PLXNA4: variants seen among roughly 807,000 people sequenced by gnomAD.
The protein encoded by PLXNA4 is plexin A4.
PLXNA4 carries 44 observed loss-of-function variants against 191.8 expected under a neutral mutation model. The observed-to-expected ratio is 0.23, with a 90% confidence interval of 0.18 to 0.29. The LOEUF is 0.29. Ranked by LOEUF, PLXNA4 falls within the 10% of genes least tolerant of loss-of-function variation. The pLI, the probability that PLXNA4 is intolerant of heterozygous loss-of-function variation, is 1.00. For missense variants in PLXNA4, 1,800 were observed against 2,488.8 expected, an observed-to-expected ratio of 0.72 and a Z score of 5.89; for synonymous variants, 1,082 against 1,009.5, an observed-to-expected ratio of 1.07 and a Z score of -1.36.
At chr7:132,307,663 C>T (rs190413424) in intron 3 of PLXNA4, among the ~76,000 whole-genome samples, 1 of 152,096 alleles carries the variant, frequency 6.6e-6, no homozygotes. Context: ...TGCCCTGTTT[C>T]GCCAGCAGGG....
At chr7:132,641,906 C>T (rs895561790) in intron 2 of PLXNA4, among the ~76,000 whole-genome samples, 1 of 152,114 alleles carries the variant, frequency 6.6e-6, no homozygotes, top group African/African-American at 2.4e-5. Flanking sequence ...CCCACAGCAT[C>T]ATAAGATAGC....
intron 27 of PLXNA4, among the ~76,000 whole-genome samples, chr7:132,147,313 T>A (rs1333012467): frequency 6.6e-6 from 1 of 152,208 alleles, no homozygotes. Flanking sequence ...TCTAGAATGA[T>A]CCTGTTCAGT....
At chr7:132,506,629 G>A (rs1585240580) in intron 2 of PLXNA4, among the ~76,000 whole-genome samples, 1 of 152,308 alleles carries the variant, frequency 6.6e-6, no homozygotes, top group African/African-American at 2.4e-5. Flanking sequence ...ACAAGAAGGG[G>A]GATGCTTTTC....
At chr7:132,170,655 A>T (rs1796258162) in intron 21 of PLXNA4, among the ~76,000 whole-genome samples, 1 of 152,238 alleles carries the variant, frequency 6.6e-6, no homozygotes, top group Non-Finnish European at 1.5e-5. Context: ...CCCTGTCCTG[A>T]GAAGTTCAAC....
At chr7:132,241,217 G>T in intron 4 of PLXNA4, 51 bp from the exon 5 acceptor site, 1 of 1,290,242 alleles carries the variant, frequency 7.8e-7, no homozygotes, top group Non-Finnish European at 1.1e-6. Flanking sequence ...AGAACACCCA[G>T]CAGTGTACCA....
chr7:132,331,560 T>C (rs368659535), intron 3 of PLXNA4, among the ~76,000 whole-genome samples: 1 of 152,320 alleles, frequency 6.6e-6, no homozygotes, highest in East Asian at 1.9e-4. Context: ...ATCCTGTGGT[T>C]ATAGGGAGTG....
At chr7:132,198,728 A>T (rs1298923196) in intron 12 of PLXNA4, 92 bp from the exon 13 acceptor site, 1 of 1,538,720 alleles carries the variant, frequency 6.5e-7, no homozygotes, top group Non-Finnish European at 8.7e-7. Flanking sequence ...CTCTTGTCTC[A>T]TCTGCCCCAG....
intron 2 of PLXNA4, among the ~76,000 whole-genome samples, chr7:132,613,975 G>A (rs772141260): frequency 3.9e-5 from 6 of 152,156 alleles, no homozygotes; most frequent in Non-Finnish European, 8.8e-5. Context: ...AGTTGCATAG[G>A]TGGAAGATGG....
At chr7:132,292,569 G>C (rs1198077699) in intron 4 of PLXNA4, among the ~76,000 whole-genome samples, 3 of 152,140 alleles carry the variant, frequency 2.0e-5, no homozygotes, top group African/African-American at 4.8e-5. Context: ...TCTCAAAGAA[G>C]GGCTGCTCTT....
intron 3 of PLXNA4, among the ~76,000 whole-genome samples, chr7:132,336,641 C>T (rs1802829280): frequency 6.6e-6 from 1 of 152,112 alleles, no homozygotes; most frequent in Non-Finnish European, 1.5e-5. Context: ...CCACCACCAC[C>T]CCCCACTCTA....
chr7:132,568,938 C>A (rs963818891), intron 1 of PLXNA4, among the ~76,000 whole-genome samples: 1 of 152,226 alleles, frequency 6.6e-6, no homozygotes, highest in African/African-American at 2.4e-5. Context: ...CCTTCAGAGT[C>A]AAAGGCTGGG....
Position 132,560,914 on chromosome 7 carries a change from C to T in PLXNA4, c.-87+15508G>A, listed in dbSNP as rs113087022. Among the ~76,000 whole-genome samples the T allele has an allele frequency of 7.3e-3, 1,105 of 152,200 alleles. 10 individuals are homozygous for T. Among genetic ancestry groups the T allele is most frequent in the Non-Finnish European group, 0.011 (761 of 67,996 alleles). ...CTTTGCCACCCCCTTTGATCAGCCC[C>T]GGCTCAGGATGCTTTGATTTACTGC... is the stretch of plus-strand genomic sequence containing the variant. On this transcript the variant is annotated intron_variant, in intron 1 of 31. Coordinates refer to ENST00000321063, the MANE Select transcript of PLXNA4 (RefSeq NM_020911.2).
intron 2 of PLXNA4, among the ~76,000 whole-genome samples, chr7:132,594,965 A>G (rs577371152): frequency 1.2e-4 from 16 of 134,414 alleles, no homozygotes; most frequent in Non-Finnish European, 2.4e-4. Context: ...ATAGATAGAT[A>G]ATTGATAGAT....
Position 132,276,611 on chromosome 7 carries a change from G to A in PLXNA4, c.1503+21480C>T, listed in dbSNP as rs1003461730. On this transcript the variant is annotated intron_variant, in intron 4 of 31. Transcript: ENST00000321063. ...CCCAGAAATCTGCAGGTTTCTTGCC[G>A]TTCCCACTCTTCCCCTTTGCCCTGT... 2.8e-4 allele frequency among the ~76,000 whole-genome samples: 42 copies of A among 152,164 alleles called. No homozygotes were observed. In the Middle Eastern group the frequency reaches 0.01, roughly 37 times the overall value.
At chr7:132,323,524 C>A (rs1263685742) in intron 3 of PLXNA4, among the ~76,000 whole-genome samples, 1 of 152,160 alleles carries the variant, frequency 6.6e-6, no homozygotes, top group African/African-American at 2.4e-5. Flanking sequence ...TCTCTCAGGA[C>A]AATTCTAGGC....
chr7:132,534,132 T>C (rs1245594750), intron 1 of PLXNA4, among the ~76,000 whole-genome samples: 2 of 151,916 alleles, frequency 1.3e-5, no homozygotes, highest in African/African-American at 4.8e-5. Context: ...TGAGTGTGTG[T>C]AGTAGTAAAG....
Position 132,133,028 on chromosome 7 carries a change from C to T in PLXNA4, c.5589+21G>A, listed in dbSNP as rs1795013733. 3 of 1,609,782 alleles carry T rather than the reference C, an allele frequency of 1.9e-6. No homozygotes were observed. In the African/African-American group the frequency reaches 4.0e-5, roughly 21 times the overall value. On this transcript the variant is annotated intron_variant, in intron 31 of 31. Coordinates refer to ENST00000321063, the MANE Select transcript of PLXNA4 (RefSeq NM_020911.2). ...TCTTCCCCCTTCCATCCCAATGGGC[C>T]TGGAGCAGGGCAAAGCTTACCTCCT...
chr7:132,294,598 T>C (rs1801009588), intron 4 of PLXNA4, among the ~76,000 whole-genome samples: 1 of 152,082 alleles, frequency 6.6e-6, no homozygotes, highest in African/African-American at 2.4e-5. Flanking sequence ...CAAGAGACCA[T>C]GGGGGTTCAA....
intron 4 of PLXNA4, among the ~76,000 whole-genome samples, chr7:132,288,013 G>T (rs922499566): frequency 4.6e-5 from 7 of 152,290 alleles, no homozygotes; most frequent in Middle Eastern, 3.4e-3. Context: ...CTTTTTACTG[G>T]AAAGTCAAGA....
Sources: gnomAD v4.1 joint callset for allele counts (sites outside exome capture counted in the v4.1 genomes callset) on GRCh38, gnomAD v4.1.1 for gene constraint, MANE v1.5 for transcripts, NCBI Gene and HGNC (gene_info 2026-07-23, HGNC 2026-07-21) for gene names.